SGCZ: variants seen among roughly 807,000 people sequenced by gnomAD.
SGCZ encodes the protein zeta-sarcoglycan.
SGCZ carries 40 observed loss-of-function variants against 41.3 expected under a neutral mutation model. That is an observed-to-expected ratio of 0.97 (90% CI 0.75 to 1.26). SGCZ has a LOEUF of 1.26. SGCZ is among the 50% of genes most tolerant of loss of function. The pLI, the probability that SGCZ is intolerant of heterozygous loss-of-function variation, is 0.00. For synonymous variants in SGCZ, 206 were observed against 137.5 expected, an observed-to-expected ratio of 1.50 and a Z score of -3.49; for missense variants, 552 against 369.8, an observed-to-expected ratio of 1.49 and a Z score of -4.04.
intron 1 of SGCZ, among the ~76,000 whole-genome samples, chr8:14,702,970 TAGACAGAC>T (rs3988432): frequency 6.2e-5 from 8 of 129,206 alleles, no homozygotes; most frequent in Admixed American, 1.6e-4. Context: ...GATAGATAGA[TAGACAGAC>T]AGACAGACAG....
intron 1 of SGCZ, among the ~76,000 whole-genome samples, chr8:14,587,941 T>G (rs1389832671): frequency 6.6e-6 from 1 of 152,122 alleles, no homozygotes; most frequent in Non-Finnish European, 1.5e-5. Flanking sequence ...CTTGTCAATT[T>G]TATAGAATAC....
At chr8:14,277,003 G>A (rs796687751) in intron 3 of SGCZ, among the ~76,000 whole-genome samples, 25 of 152,282 alleles carry the variant, frequency 1.6e-4, no homozygotes, top group African/African-American at 6.0e-4. Flanking sequence ...CTCCCACACT[G>A]TGGAGTGTAC....
Position 14,216,534 on chromosome 8 carries a change from CA to C in SGCZ, c.424+21057del, listed in dbSNP as rs200449994. Reference sequence around the variant, plus strand: ...AAGTTTTCAACAACGTATTAGGAAACAAAATCTAACATATCAAAAGAATCTT... The same window carrying C: ...AAGTTTTCAACAACGTATTAGGAAACAAATCTAACATATCAAAAGAATCTT... On this transcript the variant is annotated intron_variant, in intron 4 of 7. Transcript: ENST00000382080. Among the ~76,000 whole-genome samples, 45 of 152,216 alleles carry C rather than the reference CA, an allele frequency of 3.0e-4. 1 individual carries two copies. In the East Asian group the frequency reaches 8.7e-3, roughly 29 times the overall value.
At chr8:14,490,269 T>G (rs972431771) in intron 2 of SGCZ, among the ~76,000 whole-genome samples, 2 of 152,194 alleles carry the variant, frequency 1.3e-5, no homozygotes, top group South Asian at 4.1e-4. Flanking sequence ...TCAGCTTGAT[T>G]ACTAAACTTT....
intron 1 of SGCZ, among the ~76,000 whole-genome samples, chr8:15,170,320 C>G (rs1413684766): frequency 6.6e-6 from 1 of 152,158 alleles, no homozygotes; most frequent in Non-Finnish European, 1.5e-5. Context: ...CAGTTGGTCA[C>G]TTACACAACA....
At chr8:14,317,293 G>A (rs1453669051) in intron 3 of SGCZ, among the ~76,000 whole-genome samples, 1 of 151,930 alleles carries the variant, frequency 6.6e-6, no homozygotes, top group African/African-American at 2.4e-5. Flanking sequence ...TAAAATATTA[G>A]GTGCTACTAT....
At chr8:15,142,508 A>T (rs1258777249) in intron 1 of SGCZ, among the ~76,000 whole-genome samples, 2 of 152,156 alleles carry the variant, frequency 1.3e-5, no homozygotes, top group Non-Finnish European at 2.9e-5. Context: ...GGGAGTCTAG[A>T]AACTGGCCCT....
Position 14,349,705 on chromosome 8 carries a change from A to C in SGCZ, c.235-25501T>G, listed in dbSNP as rs575431928. On this transcript the variant is annotated intron_variant, in intron 2 of 7. Coordinates refer to ENST00000382080, the MANE Select transcript of SGCZ (RefSeq NM_139167.4). ...CCCACAGGACTCTTAAATGACTGAG[A>C]AATAAACTGCTGTGTTAAATCTTTG... Among the ~76,000 whole-genome samples, 86 of 152,288 alleles carry C rather than the reference A, an allele frequency of 5.6e-4. 1 individual carries two copies. The highest frequency in any genetic ancestry group is 1.0e-4 in the Non-Finnish European group (7 of 68,008).
intron 1 of SGCZ, among the ~76,000 whole-genome samples, chr8:15,074,004 T>A (rs190144213): frequency 1.3e-5 from 2 of 152,254 alleles, no homozygotes; most frequent in East Asian, 3.9e-4. Context: ...TAATAGTCCC[T>A]TCCCAAAACT....
At chr8:14,752,713 G>T (rs1236645336) in intron 1 of SGCZ, among the ~76,000 whole-genome samples, 1 of 152,160 alleles carries the variant, frequency 6.6e-6, no homozygotes, top group Non-Finnish European at 1.5e-5. Flanking sequence ...TCTAGAAATT[G>T]TATGGCAGTT....
intron 2 of SGCZ, among the ~76,000 whole-genome samples, chr8:14,404,890 G>T (rs779252457): frequency 6.6e-6 from 1 of 152,170 alleles, no homozygotes; most frequent in Admixed American, 6.6e-5. Context: ...AGGAGTGGGA[G>T]AGTCGATCTA....
At chr8:14,154,685 C>T (rs186884312) in intron 5 of SGCZ, among the ~76,000 whole-genome samples, 11 of 152,274 alleles carry the variant, frequency 7.2e-5, no homozygotes, top group African/African-American at 1.4e-4. Flanking sequence ...AGTTCTTTAG[C>T]GCTCCTTTTA....
chr8:14,158,446 C>G (rs1803941775), intron 5 of SGCZ, among the ~76,000 whole-genome samples: 2 of 152,098 alleles, frequency 1.3e-5, no homozygotes, highest in African/African-American at 2.4e-5. Context: ...ATGGTGCCCA[C>G]CTAGATTGAG....
At chr8:14,152,927 G>C (rs934536053) in intron 5 of SGCZ, among the ~76,000 whole-genome samples, 2 of 152,048 alleles carry the variant, frequency 1.3e-5, no homozygotes, top group Non-Finnish European at 2.9e-5. Flanking sequence ...AATCCGGAAA[G>C]GTAAGTAAAT....
intron 1 of SGCZ, among the ~76,000 whole-genome samples, chr8:14,673,711 T>A (rs938312272): frequency 6.6e-5 from 10 of 152,052 alleles, no homozygotes. Flanking sequence ...CTTGAATAAA[T>A]GAACGAATAA....
At chr8:15,219,120 G>A (rs1801508318) in intron 1 of SGCZ, among the ~76,000 whole-genome samples, 1 of 152,128 alleles carries the variant, frequency 6.6e-6, no homozygotes. Context: ...ACTACATATT[G>A]AGTACTTTTT....
intron 3 of SGCZ, among the ~76,000 whole-genome samples, chr8:14,273,507 G>A (rs929337910): frequency 6.6e-6 from 1 of 152,094 alleles, no homozygotes; most frequent in African/African-American, 2.4e-5. Context: ...CCGATCTTCT[G>A]ATGGATTTCC....
At chr8:15,161,126 C>T (rs765522935) in intron 1 of SGCZ, among the ~76,000 whole-genome samples, 1 of 152,090 alleles carries the variant, frequency 6.6e-6, no homozygotes, top group Non-Finnish European at 1.5e-5. Flanking sequence ...CCCTCTCTCA[C>T]CTCCTACCAT....
At position 14,271,724 on chromosome 8, in the gene SGCZ, A is replaced by C. The variant is rs369620294; in HGVS notation, c.337-34045T>G. 7.2e-5 allele frequency among the ~76,000 whole-genome samples: 11 copies of C among 152,304 alleles called. No homozygotes were observed. The East Asian group carries it at 2.1e-3, about 29-fold the overall frequency. On this transcript the variant is annotated intron_variant, in intron 3 of 7. Coordinates refer to ENST00000382080, the MANE Select transcript of SGCZ (RefSeq NM_139167.4). ...GTTTTTATATCCTGACTTGCTCTGC[A>C]AACCCTCTACTTCCTTGTCCGCTTC...
Sources: gnomAD v4.1 joint callset for allele counts (sites outside exome capture counted in the v4.1 genomes callset) on GRCh38, gnomAD v4.1.1 for gene constraint, MANE v1.5 for transcripts, NCBI Gene and HGNC (gene_info 2026-07-23, HGNC 2026-07-21) for gene names.